The following HTT variants were observed in gnomAD, a reference collection of about 807,000 sequenced individuals.
HTT encodes the protein huntington disease protein.
Under a neutral mutation model 362.3 loss-of-function variants are expected in HTT, and 104 were observed. The observed-to-expected ratio is 0.29, with a 90% CI of 0.24 to 0.34. The LOEUF (loss-of-function observed/expected upper bound fraction) is 0.34, where lower values mean the gene tolerates loss of function less well. HTT is among the 10% of genes least tolerant of loss of function. The pLI is 1.00. For missense variants in HTT, 3,301 were observed against 3,928.6 expected (o/e 0.84, Z 4.27); for synonymous variants, 1,577 against 1,548.7 (o/e 1.02, Z -0.43).
At position 3,235,538 on chromosome 4, in the gene HTT, G is replaced by T. The variant is rs1578617187; in HGVS notation, c.8572-27G>T. ...ACCTGAGACTGTGCAGCGATTCTTT[G>T]ACACAGAGGCCTTTCTCCCTGTGCA... On this transcript the variant is annotated intron_variant, in intron 62 of 66. Transcript: ENST00000355072. 1.1e-5 allele frequency: 17 copies of T among 1,603,762 alleles called. No homozygotes were observed. The East Asian group carries it at 3.6e-4, about 34-fold the overall frequency.
At chr4:3,139,610 C>T (rs1296581154) in intron 21 of HTT, among the ~76,000 whole-genome samples, 1 of 152,176 alleles carries the variant, frequency 6.6e-6, no homozygotes, top group Non-Finnish European at 1.5e-5. Context: ...TAAAATAGTT[C>T]ATTGTTTCTA....
chr4:3,146,802 C>T lies in HTT; in HGVS notation c.3149C>T (p.Pro1050Leu), dbSNP rs1716625259. Residue 1050 changes from proline to leucine, a missense_variant, in exon 25 of 67, where the codon CCT (proline) becomes CTT (leucine). Around this residue, in one of 4 missense-constraint regions of HTT, gnomAD observed 2,316 missense variants for 2,658.5 expected, o/e 0.87. Transcript: ENST00000355072. ...TTGCAAATGTCTGCTTCCAGAGTGC[C>T]TCCACTGAGTGCCTCAGATGAGTCT... Reference protein sequence around the residue: ...IWSLGWHCGVPPLSASDESRK... With the variant: ...IWSLGWHCGVLPLSASDESRK... 6.2e-6 allele frequency: 10 copies of T among 1,613,652 alleles called. No individual in the cohort carries two copies. The highest frequency in any genetic ancestry group is 7.6e-6 in the Non-Finnish European group (9 of 1,179,720).
rs1161455897 is a variant in HTT, at chr4:3,233,203, G to A, written c.8306G>A (p.Ser2769Asn). ...VAEPVSRLLE[S>N]TLRSSHLPSR... ...GAGCCTGTCAGCCGCCTGCTGGAGA[G>A]CACGCTCAGGAGCAGCCACCTGCCC... is the stretch of plus-strand genomic sequence containing the variant. Residue 2769 changes from serine to asparagine, a missense_variant, in exon 61 of 67, where the codon AGC becomes AAC. Transcript: ENST00000355072. 2 of 1,598,428 alleles carry A rather than the reference G, an allele frequency of 1.3e-6. No individual in the cohort carries two copies. Among genetic ancestry groups the A allele is most frequent in the Non-Finnish European group, 8.6e-7 (1 of 1,167,558 alleles).
intron 2 of HTT, among the ~76,000 whole-genome samples, chr4:3,094,877 A>G (rs1713756451): frequency 6.7e-6 from 1 of 148,466 alleles, no homozygotes; most frequent in Non-Finnish European, 1.5e-5. Flanking sequence ...GACATTCTTA[A>G]GTTCCCAGAC....
In HTT at chr4:3,175,114, C is replaced by A; in HGVS notation, c.4407+7C>A. The A allele has an allele frequency of 6.2e-7, 1 of 1,607,466 alleles. No individual in the cohort carries two copies. Among genetic ancestry groups the A allele is most frequent in the South Asian group, 1.1e-5 (1 of 89,554 alleles). ...TCTTCTGGATTCAGATCAGGTTTGT[C>A]ACTTTTATCTTTCATCCATCATACC... On this transcript the variant is annotated splice_region_variant and intron_variant, in intron 33 of 66. Transcript: ENST00000355072.
intron 1 of HTT, among the ~76,000 whole-genome samples, chr4:3,085,808 CCT>C (rs1365355733): frequency 6.6e-6 from 1 of 152,106 alleles, no homozygotes; most frequent in Non-Finnish European, 1.5e-5. Context: ...TTGGATCACC[CCT>C]CTCTACTTTA....
intron 51 of HTT, 143 bp downstream of exon 51, chr4:3,215,354 C>T: frequency 3.2e-6 from 2 of 628,430 alleles, no homozygotes; most frequent in Non-Finnish European, 5.6e-6. Context: ...CCCTAGCTGT[C>T]AGGGAGGCTG....
At chr4:3,143,685 C>T (rs1330650699) in intron 23 of HTT, among the ~76,000 whole-genome samples, 1 of 151,144 alleles carries the variant, frequency 6.6e-6, no homozygotes, top group Non-Finnish European at 1.5e-5. Flanking sequence ...CTCACCACAA[C>T]CTCCACCTCC....
At chr4:3,212,820 C>A in intron 49 of HTT, 111 bp downstream of exon 49, 1 of 1,142,202 alleles carries the variant, frequency 8.8e-7, no homozygotes, top group Non-Finnish European at 1.3e-6. Context: ...CCAGTCCAGT[C>A]ACTTTTCCAT....
intron 1 of HTT, among the ~76,000 whole-genome samples, chr4:3,081,229 G>T (rs912105848): frequency 1.3e-5 from 2 of 152,172 alleles, no homozygotes; most frequent in Non-Finnish European, 2.9e-5. Flanking sequence ...GGCAAACTTT[G>T]TGTAAATGGT....
Position 3,136,293 on chromosome 4 carries a change from G to T in HTT, c.2765G>T (p.Arg922Met). Residue 922 changes from arginine (R) to methionine (M), a missense_variant, in exon 21 of 67, where the codon AGG (arginine) becomes ATG (methionine). Physicochemically the swap from Arg to Met is moderately conservative, Grantham distance 91. Coordinates refer to ENST00000355072, the MANE Select transcript of HTT (RefSeq NM_001388492.1). ...VIHLLGDEDPRVRHVAAASLI... is the reference protein window; with the variant it reads ...VIHLLGDEDPMVRHVAAASLI... Reference sequence around the variant, plus strand: ...CATTTGCTTGGAGATGAAGACCCCAGGGTGCGACATGTTGCCGCAGCATCA... The same window carrying T: ...CATTTGCTTGGAGATGAAGACCCCATGGTGCGACATGTTGCCGCAGCATCA... 6.2e-7 allele frequency: 1 copy of T among 1,610,056 alleles called. No homozygotes were observed. Among genetic ancestry groups the T allele is most frequent in the Non-Finnish European group, 8.5e-7 (1 of 1,176,538 alleles).
At position 3,174,736 on chromosome 4, in the gene HTT, C is replaced by T. The variant is rs1475856786; in HGVS notation, c.4182C>T (p.Leu1394=). The change falls in exon 32 of 67, where the codon CTC becomes CTT. Residue 1394 remains leucine (L), a synonymous_variant. Coordinates refer to ENST00000355072, the MANE Select transcript of HTT (RefSeq NM_001388492.1). ...CATTTGGCAGATGGTTTGATGTCCT[C>T]CAGAAAGTGTCTACCCAGTTGAAGA... ...ENDTSGWFDV[L]QKVSTQLKTN... The T allele has an allele frequency of 2.5e-6, 4 of 1,613,830 alleles. No individual in the cohort carries two copies. Among genetic ancestry groups the T allele is most frequent in the Non-Finnish European group, 3.4e-6 (4 of 1,179,756 alleles).
At position 3,228,843 on chromosome 4, in the gene HTT, A is replaced by G; in HGVS notation, c.7980-37A>G. The G allele has an allele frequency of 6.3e-7, 1 of 1,595,592 alleles. No individual in the cohort carries two copies. The highest frequency in any genetic ancestry group is 8.6e-7 in the Non-Finnish European group (1 of 1,164,958). On this transcript the variant is annotated intron_variant, in intron 58 of 66. Transcript: ENST00000355072. The surrounding 1 kb of genome is among the most constrained non-coding windows in gnomAD (Gnocchi z 4.3). ...CTTCTTGAAATGAGCCTCTCATCTC[A>G]TGTACTTGGAAAATACCCATCTCGC...
At chr4:3,131,191 G>A (rs1715795984) in intron 14 of HTT, 95 bp from the exon 15 acceptor site, 2 of 925,136 alleles carry the variant, frequency 2.2e-6, no homozygotes, top group South Asian at 1.4e-5. Flanking sequence ...CCAGCACCTG[G>A]CTTAAGTGCT....
Position 3,148,099 on chromosome 4 carries a change from G to T in HTT, c.3390G>T (p.Gly1130=). 1 of 1,614,134 alleles carries T rather than the reference G, an allele frequency of 6.2e-7. No homozygotes were observed. The highest frequency in any genetic ancestry group is 1.1e-5 in the South Asian group (1 of 91,072). The change falls in exon 26 of 67, where the codon GGG becomes GGT. Residue 1130 remains glycine, a synonymous_variant. Transcript: ENST00000355072. ...AAGAGGAGGTCTGGCCAGCCCTGGG[G>T]GACCGGGCCCTGGTGCCCATGGTGG... ...TKQEEVWPAL[G]DRALVPMVEQ... is the part of the protein sequence containing the mutation.
intron 59 of HTT, 120 bp from the exon 60 acceptor site, chr4:3,229,767 C>T (rs373147024): frequency 7.3e-5 from 80 of 1,096,980 alleles, no homozygotes; most frequent in African/African-American, 1.1e-4. Flanking sequence ...ACATGCGTCC[C>T]GCACAGTAAT....
chr4:3,173,600 T>C (rs2110232863), intron 31 of HTT, among the ~76,000 whole-genome samples: 1 of 152,228 alleles, frequency 6.6e-6, no homozygotes, highest in Middle Eastern at 3.4e-3. Flanking sequence ...GTGAAGGCCA[T>C]AGAAGCATCT....
chr4:3,109,250 G>A (rs890573944), intron 6 of HTT, among the ~76,000 whole-genome samples: 3 of 151,248 alleles, frequency 2.0e-5, no homozygotes, highest in African/African-American at 7.3e-5. Context: ...CTTTGAGATG[G>A]AGTTTTGCTC....
chr4:3,182,638 A>G (rs1718580175), intron 37 of HTT, among the ~76,000 whole-genome samples, 168 bp downstream of exon 37: 1 of 152,066 alleles, frequency 6.6e-6, no homozygotes, highest in African/African-American at 2.4e-5. Flanking sequence ...TCACAATGCC[A>G]TCTCAGGTTG....
Sources: allele counts gnomAD v4.1 joint callset (sites outside exome capture counted in the v4.1 genomes callset), GRCh38; gene constraint gnomAD v4.1.1; regional missense constraint gnomAD v4.1.1; non-coding constraint Gnocchi (gnomAD v3.1); transcripts MANE v1.5; gene names NCBI Gene and HGNC (gene_info 2026-07-23, HGNC 2026-07-21).